DCC: variants seen among roughly 807,000 people sequenced by gnomAD.
The protein encoded by DCC is DCC netrin 1 receptor.
A neutral mutation model predicts 172.5 loss-of-function variants in DCC; 58 were observed. That is an observed-to-expected ratio of 0.34 (90% confidence interval 0.27 to 0.42). DCC has a LOEUF of 0.42. DCC is among the 10% of genes least tolerant of loss of function. The probability of loss-of-function intolerance (pLI) is 1.00; values close to 1 mark genes in which losing one functional copy is unlikely to be tolerated. For missense variants in DCC, 1,740 were observed against 1,791.0 expected (o/e 0.97, Z 0.51); for synonymous variants, 709 against 644.5 (o/e 1.10, Z -1.52).
chr18:52,431,981 G>A (rs1271434631), intron 1 of DCC, among the ~76,000 whole-genome samples: 1 of 152,046 alleles, frequency 6.6e-6, no homozygotes, highest in Non-Finnish European at 1.5e-5. Flanking sequence ...GTAAAGCATC[G>A]GAAATGTCAG....
intron 12 of DCC, among the ~76,000 whole-genome samples, chr18:53,232,602 T>A (rs2056140008): frequency 6.6e-6 from 1 of 152,174 alleles, no homozygotes; most frequent in Non-Finnish European, 1.5e-5. Flanking sequence ...CCTCTCAGGG[T>A]ACCTTGTGTC....
In DCC at chr18:53,039,486, TAAAAG is replaced by T. The variant is rs917016688; in HGVS notation, c.986-23818_986-23814del. Among the ~76,000 whole-genome samples, 53 of 152,168 alleles carry T rather than the reference TAAAAG, an allele frequency of 3.5e-4. 1 individual carries two copies. Among genetic ancestry groups the T allele is most frequent in the Middle Eastern group, 3.4e-3 (1 of 294 alleles). On this transcript the variant is annotated intron_variant, in intron 5 of 28. Coordinates refer to ENST00000442544, the MANE Select transcript of DCC (RefSeq NM_005215.4). ...GTACTTTCGTAGCCAACTAGAATGT[TAAAAG>T]GATTGGAGAGGAGATTTACTGCATA...
intron 1 of DCC, among the ~76,000 whole-genome samples, chr18:52,649,061 CAGA>C (rs1415728574): frequency 3.3e-5 from 5 of 152,098 alleles, no homozygotes; most frequent in Admixed American, 1.3e-4. Flanking sequence ...TTAAAATACG[CAGA>C]AGAACTGTAA....
intron 7 of DCC, among the ~76,000 whole-genome samples, chr18:53,068,917 C>G (rs973984315): frequency 9.9e-5 from 15 of 151,834 alleles, no homozygotes; most frequent in African/African-American, 3.6e-4. Flanking sequence ...AGCTGAGAGA[C>G]CAAAGAAAGA....
chr18:52,750,856 A>C (rs1244235909), intron 1 of DCC, among the ~76,000 whole-genome samples: 2 of 152,228 alleles, frequency 1.3e-5, no homozygotes, highest in African/African-American at 2.4e-5. Context: ...TTCCCATTAC[A>C]GAAAAATGAA....
chr18:52,401,193 T>G (rs544015743), intron 1 of DCC, among the ~76,000 whole-genome samples: 50 of 152,132 alleles, frequency 3.3e-4, no homozygotes, highest in African/African-American at 1.2e-3. Context: ...GGTTACTATT[T>G]GGGACCGGTA....
intron 2 of DCC, among the ~76,000 whole-genome samples, chr18:52,884,542 C>A (rs763151241): frequency 2.0e-5 from 3 of 151,984 alleles, no homozygotes; most frequent in African/African-American, 7.2e-5. Context: ...CTGCTTGATT[C>A]TGTCTTGTTA....
intron 8 of DCC, among the ~76,000 whole-genome samples, chr18:53,160,222 A>G (rs4245254): frequency 0.41 from 62,098 of 151,890 alleles, 13,588 homozygotes; most frequent in East Asian, 0.71. Context: ...TGGTTATACC[A>G]TGAACCTTGA....
intron 12 of DCC, among the ~76,000 whole-genome samples, chr18:53,276,630 T>A (rs8098014): frequency 0.025 from 3,797 of 152,182 alleles, 167 homozygotes; most frequent in African/African-American, 0.086. Context: ...CCAGTATGAT[T>A]AATAATCATG....
At chr18:52,682,253 C>T (rs8098283) in intron 1 of DCC, among the ~76,000 whole-genome samples, 111,694 of 152,004 alleles carry the variant, frequency 0.73, 41,311 homozygotes, top group Admixed American at 0.77. Context: ...TGTAAAGAAA[C>T]AGGAACCTTA....
chr18:53,452,029 G>A (rs543649283), intron 23 of DCC, among the ~76,000 whole-genome samples: 1 of 152,320 alleles, frequency 6.6e-6, no homozygotes, highest in African/African-American at 2.4e-5. Context: ...GAGCTTAGCT[G>A]GGCCAGCCTC....
chr18:52,911,602 G>A (rs34975987), intron 3 of DCC, among the ~76,000 whole-genome samples: 39,872 of 151,794 alleles, frequency 0.26, 5,447 homozygotes, highest in Admixed American at 0.33. Flanking sequence ...AATTAACTTT[G>A]TTGATGATTG....
chr18:52,457,595 A>G (rs535434984), intron 1 of DCC, among the ~76,000 whole-genome samples: 1 of 152,290 alleles, frequency 6.6e-6, no homozygotes, highest in Admixed American at 6.5e-5. Flanking sequence ...TGTTAATAAC[A>G]TCCTTAAGGT....
intron 1 of DCC, among the ~76,000 whole-genome samples, chr18:52,609,373 G>A (rs957110406): frequency 1.3e-5 from 2 of 151,862 alleles, no homozygotes; most frequent in African/African-American, 4.8e-5. Context: ...GACGAACAGA[G>A]GTTTTGATCT....
chr18:53,030,462 T>C (rs1025726275), intron 5 of DCC, among the ~76,000 whole-genome samples: 1 of 151,928 alleles, frequency 6.6e-6, no homozygotes, highest in Non-Finnish European at 1.5e-5. Context: ...CTATCTAGTA[T>C]TCAGGATTAG....
At chr18:53,373,590 G>C (rs2058081258) in intron 15 of DCC, among the ~76,000 whole-genome samples, 1 of 151,976 alleles carries the variant, frequency 6.6e-6, no homozygotes, top group East Asian at 1.9e-4. Context: ...TTTTATTAAA[G>C]CACAAGGTTA....
chr18:52,540,906 T>A (rs902850285), intron 1 of DCC, among the ~76,000 whole-genome samples: 3 of 152,056 alleles, frequency 2.0e-5, no homozygotes, highest in African/African-American at 7.2e-5. Context: ...GCGCCCGGCC[T>A]CAACTGCCTT....
At chr18:52,916,536 T>G (rs900954708) in intron 3 of DCC, among the ~76,000 whole-genome samples, 1 of 152,192 alleles carries the variant, frequency 6.6e-6, no homozygotes, top group African/African-American at 2.4e-5. Flanking sequence ...TCTAATACAA[T>G]GTACCAATCC....
chr18:52,411,321 T>A (rs971682323), intron 1 of DCC, among the ~76,000 whole-genome samples: 1 of 152,154 alleles, frequency 6.6e-6, no homozygotes, highest in Non-Finnish European at 1.5e-5. Context: ...CTTCTTCAGC[T>A]CTTAGTTACT....
Sources: gnomAD v4.1 joint callset for allele counts (sites outside exome capture counted in the v4.1 genomes callset) on GRCh38, gnomAD v4.1.1 for gene constraint, MANE v1.5 for transcripts, NCBI Gene and HGNC (gene_info 2026-07-23, HGNC 2026-07-21) for gene names.